Variants in ZC3H12B observed in about 807,000 individuals in gnomAD.
ZC3H12B encodes zinc finger CCCH-type containing 12B.
ZC3H12B carries 7 observed loss-of-function variants against 43.9 expected under a neutral mutation model. That is an observed-to-expected ratio of 0.16 (90% CI 0.09 to 0.30). ZC3H12B has a LOEUF of 0.30. ZC3H12B is among the 10% of genes least tolerant of loss of function. The probability of loss-of-function intolerance (pLI) is 1.00; values close to 1 mark genes in which losing one functional copy is unlikely to be tolerated. For missense variants in ZC3H12B, 475 were observed against 670.2 expected, an observed-to-expected ratio of 0.71 and a Z score of 3.22; for synonymous variants, 222 against 241.7, an observed-to-expected ratio of 0.92 and a Z score of 0.76.
intron 3 of ZC3H12B, among the ~76,000 whole-genome samples, chrX:65,461,521 C>A (rs2067746736): frequency 8.9e-6 from 1 of 112,036 alleles, no homozygotes; most frequent in South Asian, 3.7e-4. Flanking sequence ...ACTATGCACC[C>A]ATAAAAAAGG....
chrX:65,060,771 G>A, the ZC3H12B span, among the ~76,000 whole-genome samples: 2 of 112,127 alleles, frequency 1.8e-5, no homozygotes, highest in East Asian at 5.6e-4. Context: ...ATGAAGAAAA[G>A]CTCATCATCA....
the ZC3H12B span, among the ~76,000 whole-genome samples, chrX:65,303,241 G>A: frequency 2.7e-5 from 3 of 110,453 alleles, no homozygotes; most frequent in East Asian, 8.5e-4. Context: ...AAGGAGAGGA[G>A]CAAAAAGAAC....
chrX:65,113,213 C>A, the ZC3H12B span, among the ~76,000 whole-genome samples: 1 of 111,666 alleles, frequency 9.0e-6, no homozygotes, highest in Admixed American at 9.5e-5. Flanking sequence ...ACAACTATAA[C>A]GGATGAAGAG....
the ZC3H12B span, among the ~76,000 whole-genome samples, chrX:65,170,454 G>C: frequency 9.0e-6 from 1 of 111,481 alleles, no homozygotes; most frequent in Non-Finnish European, 1.9e-5. Flanking sequence ...TTTCTCTCTG[G>C]CTGCCCTTAA....
At chrX:65,175,105 C>T in the ZC3H12B span, among the ~76,000 whole-genome samples, 1 of 111,491 alleles carries the variant, frequency 9.0e-6, no homozygotes, top group South Asian at 3.7e-4. Flanking sequence ...TAGCACAGTT[C>T]CTTGCGGCTT....
the ZC3H12B span, among the ~76,000 whole-genome samples, chrX:65,333,663 T>G: frequency 3.6e-5 from 4 of 111,925 alleles, no homozygotes; most frequent in African/African-American, 1.3e-4. Flanking sequence ...TTTTTTCCTC[T>G]ATTCTAATGT....
chrX:65,249,931 T>C, the ZC3H12B span, among the ~76,000 whole-genome samples: 3 of 109,728 alleles, frequency 2.7e-5, no homozygotes, highest in Non-Finnish European at 5.7e-5. Flanking sequence ...ATGAAGAAAC[T>C]TTGCTGAATT....
chrX:65,065,805 C>T, the ZC3H12B span, among the ~76,000 whole-genome samples: 1 of 109,800 alleles, frequency 9.1e-6, no homozygotes, highest in East Asian at 2.9e-4. Context: ...GGTCTTTTTA[C>T]ATAGTTCCAT....
chrX:65,088,029 T>A, the ZC3H12B span, among the ~76,000 whole-genome samples: 79 of 111,962 alleles, frequency 7.1e-4, no homozygotes, highest in African/African-American at 2.4e-3. Context: ...TATTGGCTAT[T>A]ATGGGTAATG....
chrX:65,377,753 A>T (rs748275468), intron 2 of ZC3H12B, among the ~76,000 whole-genome samples: 3 of 111,693 alleles, frequency 2.7e-5, no homozygotes, highest in African/African-American at 9.7e-5. Flanking sequence ...CCCTACATCA[A>T]ATGCTAAAGG....
chrX:65,195,114 T>A, the ZC3H12B span, among the ~76,000 whole-genome samples: 2 of 109,891 alleles, frequency 1.8e-5, no homozygotes, highest in South Asian at 7.9e-4. Context: ...TTTAATGCAT[T>A]CAGCCACTCT....
At chrX:65,057,425 G>T in the ZC3H12B span, among the ~76,000 whole-genome samples, 12 of 111,808 alleles carry the variant, frequency 1.1e-4, no homozygotes, top group East Asian at 3.4e-3. Flanking sequence ...CTCTCTTCTG[G>T]CTTGTAGAGT....
upstream of ZC3H12B, among the ~76,000 whole-genome samples, chrX:65,363,763 G>T (rs910868221): frequency 9.3e-6 from 1 of 106,969 alleles, no homozygotes; most frequent in African/African-American, 3.4e-5. Context: ...TGCAGCGGCC[G>T]CTCCCGCCCT....
At chrX:65,084,380 A>G in the ZC3H12B span, among the ~76,000 whole-genome samples, 1 of 112,118 alleles carries the variant, frequency 8.9e-6, no homozygotes, top group Admixed American at 9.5e-5. Context: ...TAATAAGCAG[A>G]ATATATAAGG....
At chrX:65,160,126 G>T in the ZC3H12B span, among the ~76,000 whole-genome samples, 2 of 111,740 alleles carry the variant, frequency 1.8e-5, no homozygotes. Context: ...CTTGATCATG[G>T]TGGATAAGGT....
chrX:65,068,646 G>A, the ZC3H12B span, among the ~76,000 whole-genome samples: 1 of 111,686 alleles, frequency 9.0e-6, no homozygotes, highest in African/African-American at 3.2e-5. Flanking sequence ...TAATATAAGA[G>A]TAGTTTACAT....
At chrX:65,144,441 C>T in the ZC3H12B span, among the ~76,000 whole-genome samples, 1 of 111,660 alleles carries the variant, frequency 9.0e-6, no homozygotes. Flanking sequence ...TTTTATTTAT[C>T]TTTTGTATTT....
intron 3 of ZC3H12B, among the ~76,000 whole-genome samples, chrX:65,417,056 G>A (rs1411836695): frequency 1.8e-5 from 2 of 111,158 alleles, no homozygotes; most frequent in Non-Finnish European, 3.8e-5. Flanking sequence ...TATTCAAAAG[G>A]CACACTTGGA....
chrX:65,246,801 T>A, the ZC3H12B span, among the ~76,000 whole-genome samples: 1 of 111,902 alleles, frequency 8.9e-6, no homozygotes, highest in Non-Finnish European at 1.9e-5. Flanking sequence ...ACTGTAGCAA[T>A]CCTGAAAGAC....
Sources: gnomAD v4.1 joint callset for allele counts (sites outside exome capture counted in the v4.1 genomes callset) on GRCh38, gnomAD v4.1.1 for gene constraint, MANE v1.5 for transcripts, NCBI Gene and HGNC (gene_info 2026-07-23, HGNC 2026-07-21) for gene names.